Variants in BRAP observed in about 807,000 individuals in gnomAD.
BRAP encodes BRCA1 associated protein, also known as BRCA1-associated protein.
In BRAP, 42 loss-of-function variants were observed where a neutral mutation model predicts 73.4. The ratio of observed to expected loss-of-function variants is 0.57; its 90% CI spans 0.45 to 0.74. The LOEUF is 0.74. Among genes scored for constraint, BRAP ranks in the 30% least tolerant of loss-of-function variants. BRAP has a pLI of 0.00. For synonymous variants in BRAP, 255 were observed against 267.4 expected, an observed-to-expected ratio of 0.95 and a Z score of 0.45; for missense variants, 593 against 751.4, an observed-to-expected ratio of 0.79 and a Z score of 2.46.
chr12:111,666,314 A>G (rs1399732790), intron 5 of BRAP, among the ~76,000 whole-genome samples: 3 of 152,222 alleles, frequency 2.0e-5, no homozygotes, highest in Non-Finnish European at 4.4e-5. Flanking sequence ...CTAAGTGTCT[A>G]CGACTATAAT....
intron 4 of BRAP, chr12:111,673,267 G>A (rs1173286274): frequency 6.5e-6 from 1 of 153,126 alleles, no homozygotes; most frequent in African/African-American, 2.4e-5. Context: ...CGCTTTGGGA[G>A]GCCGAGGCGG....
intron 10 of BRAP, among the ~76,000 whole-genome samples, chr12:111,652,012 TATTA>T (rs1191656227): frequency 1.3e-5 from 2 of 152,144 alleles, no homozygotes; most frequent in African/African-American, 2.4e-5. Flanking sequence ...TCTAGTTAGG[TATTA>T]ATTTTCTCTT....
intron 5 of BRAP, among the ~76,000 whole-genome samples, chr12:111,666,023 A>C (rs1886926097): frequency 6.6e-6 from 1 of 152,116 alleles, no homozygotes; most frequent in African/African-American, 2.4e-5. Context: ...TCTTTTAATA[A>C]TAGTTTTCTA....
intron 10 of BRAP, among the ~76,000 whole-genome samples, chr12:111,650,409 G>A (rs1178266208): frequency 1.3e-5 from 2 of 152,184 alleles, no homozygotes; most frequent in African/African-American, 4.8e-5. Flanking sequence ...GGGACTACAG[G>A]TGCCTGCCAC....
intron 3 of BRAP, among the ~76,000 whole-genome samples, chr12:111,680,116 C>T (rs952264424): frequency 2.6e-5 from 4 of 151,504 alleles, no homozygotes; most frequent in African/African-American, 9.7e-5. Flanking sequence ...GCCACCACGC[C>T]GGGCTAATTT....
chr12:111,671,049 A>C (rs1254120498), intron 5 of BRAP, among the ~76,000 whole-genome samples: 1 of 152,092 alleles, frequency 6.6e-6, no homozygotes, highest in Non-Finnish European at 1.5e-5. Flanking sequence ...ATAGTGAGCC[A>C]AGATCACGCC....
At position 111,659,332 on chromosome 12, in the gene BRAP, C is replaced by T. The variant is rs1247709074; in HGVS notation, c.986G>A (p.Cys329Tyr). 3 of 1,612,766 alleles carry T rather than the reference C, an allele frequency of 1.9e-6. No homozygotes were observed. The highest frequency in any genetic ancestry group is 2.5e-6 in the Non-Finnish European group (3 of 1,179,470). Residue 329 changes from cysteine (C) to tyrosine (Y), a missense_variant, in exon 8 of 12, where the codon TGT (cysteine) becomes TAT (tyrosine). Around this residue, in one of 4 missense-constraint regions of BRAP, gnomAD observed 67 missense variants for 158.0 expected, o/e 0.42. Coordinates refer to ENST00000419234, the MANE Select transcript of BRAP (RefSeq NM_006768.5). ...ECGVQENLWI[C>Y]LICGHIGCGR... The stretch of plus-strand genomic sequence containing the variant: ...ACATCCTATGTGGCCGCATATTAAA[C>T]AAATCCAAAGATTCTGCCGGAAGAG...
intron 2 of BRAP, 48 bp from the exon 3 acceptor site, chr12:111,681,883 C>A: frequency 1.3e-6 from 2 of 1,510,512 alleles, no homozygotes; most frequent in Middle Eastern, 1.8e-4. Flanking sequence ...AGGACATATG[C>A]TGAAGGATTT....
intron 11 of BRAP, among the ~76,000 whole-genome samples, chr12:111,645,689 A>G (rs1401990283): frequency 6.6e-6 from 1 of 152,122 alleles, no homozygotes; most frequent in Non-Finnish European, 1.5e-5. Flanking sequence ...TGAAACCACC[A>G]TTTGAGGCCA....
chr12:111,651,031 C>T (rs1233073017), intron 10 of BRAP, among the ~76,000 whole-genome samples: 1 of 152,102 alleles, frequency 6.6e-6, no homozygotes, highest in African/African-American at 2.4e-5. Flanking sequence ...ATTTCCTCAA[C>T]TCCACTGGTC....
Position 111,644,007 on chromosome 12 carries a change from CT to C in BRAP, c.*191del. On this transcript the variant is annotated 3_prime_UTR_variant, in exon 12 of 12. Transcript: ENST00000419234. ...CTTAAGACCTTTTCGAACGCAGCGC[CT>C]TTCTATCAGCTCTCCAGTCAGCACC... 3 of 908,342 alleles carry C rather than the reference CT, an allele frequency of 3.3e-6. No homozygotes were observed. Among genetic ancestry groups the C allele is most frequent in the Non-Finnish European group, 4.8e-6 (3 of 626,572 alleles). 56.3% of individuals were successfully genotyped at this position (908,342 alleles called of 1,614,324 possible). A position where few individuals can be genotyped will look rare whatever the true frequency, so the allele number is the denominator to read the frequency against.
At chr12:111,685,603 T>C in intron 1 of BRAP, 108 bp downstream of exon 1, 1 of 1,406,080 alleles carries the variant, frequency 7.1e-7, no homozygotes, top group Non-Finnish European at 9.3e-7. Context: ...CGTGTCTTCC[T>C]GGGCAACAGC....
chr12:111,675,726 G>A (rs182935514), intron 4 of BRAP, among the ~76,000 whole-genome samples: 1 of 151,856 alleles, frequency 6.6e-6, no homozygotes, highest in Admixed American at 6.6e-5. Context: ...CTCTTCTGAG[G>A]ATTAACTCAG....
chr12:111,661,849 T>C (rs1042259648), intron 6 of BRAP, among the ~76,000 whole-genome samples: 2 of 151,802 alleles, frequency 1.3e-5, no homozygotes, highest in African/African-American at 2.4e-5. Flanking sequence ...GTAGCTGGGA[T>C]TGTAGGCATG....
At chr12:111,679,559 T>C (rs1887520056) in intron 3 of BRAP, among the ~76,000 whole-genome samples, 1 of 152,148 alleles carries the variant, frequency 6.6e-6, no homozygotes, top group Non-Finnish European at 1.5e-5. Flanking sequence ...AGTGTTTTAC[T>C]CTCATCAATG....
Position 111,665,476 on chromosome 12 carries a change from G to A in BRAP, c.896+163C>T, listed in dbSNP as rs998833380. Among the ~76,000 whole-genome samples, 2 of 152,120 alleles carry A rather than the reference G, an allele frequency of 1.3e-5. No homozygotes were observed. The highest frequency in any genetic ancestry group is 2.4e-5 in the African/African-American group (1 of 41,408). On this transcript the variant is annotated intron_variant, in intron 6 of 11. Transcript: ENST00000419234. This position sits in a 1 kb window ranked among gnomAD's most constrained non-coding sequence, Gnocchi z 4.3. The stretch of plus-strand genomic sequence containing the variant: ...AATCAGCATACTAAAAAAGGACTTG[G>A]TCTCAGAATGCCGATTCCCTGAACT...
At chr12:111,675,470 G>A (rs1267502880) in intron 4 of BRAP, among the ~76,000 whole-genome samples, 13 of 148,646 alleles carry the variant, frequency 8.7e-5, no homozygotes, top group Admixed American at 8.2e-4. Flanking sequence ...ACCTTCACCT[G>A]TTCACATATT....
At position 111,659,230 on chromosome 12, in the gene BRAP, T is replaced by C; in HGVS notation, c.1088A>G (p.His363Arg). ...ACCTCCAGCATAGTCCCAGACTCGA[T>C]GGTTGGTAAGCTGCATGGCATACGT... is the stretch of plus-strand genomic sequence containing the variant. ...QHTYAMQLTN[H>R]RVWDYAGDNY... The change falls in exon 8 of 12, where the codon CAT (histidine) becomes CGT (arginine). Residue 363 changes from histidine (H) to arginine (R), a missense_variant. His to Arg is a conservative substitution (Grantham distance 29). Around this residue, in one of 4 missense-constraint regions of BRAP, gnomAD observed 67 missense variants for 158.0 expected, o/e 0.42. Transcript: ENST00000419234. The C allele has an allele frequency of 6.2e-7, 1 of 1,614,032 alleles. No homozygotes were observed. The highest frequency in any genetic ancestry group is 8.5e-7 in the Non-Finnish European group (1 of 1,180,002).
intron 4 of BRAP, 21 bp downstream of exon 4, chr12:111,679,130 A>C (rs914178802): frequency 1.4e-6 from 2 of 1,441,714 alleles, no homozygotes; most frequent in Non-Finnish European, 1.9e-6. Flanking sequence ...AGAGATTTTT[A>C]ATAAATTTAA....
Sources: gnomAD v4.1 joint callset for allele counts (sites outside exome capture counted in the v4.1 genomes callset) on GRCh38, gnomAD v4.1.1 for gene constraint, gnomAD v4.1.1 regional missense constraint, Gnocchi (gnomAD v3.1) non-coding constraint, MANE v1.5 for transcripts, NCBI Gene and HGNC (gene_info 2026-07-23, HGNC 2026-07-21) for gene names.